The following STOX1 variants were observed in gnomAD, a reference collection of about 807,000 sequenced individuals.
STOX1 encodes storkhead-box protein 1.
STOX1 carries 57 observed loss-of-function variants against 74.8 expected under a neutral mutation model. The ratio of observed to expected loss-of-function variants is 0.76; its 90% confidence interval spans 0.62 to 0.95. The LOEUF (loss-of-function observed/expected upper bound fraction) is 0.95. Ranked by LOEUF, STOX1 falls within the 40% of genes least tolerant of loss-of-function variation. STOX1 has a pLI of 0.00. For synonymous variants in STOX1, 375 were observed against 401.3 expected, an observed-to-expected ratio of 0.93 and a Z score of 0.78; for missense variants, 1,010 against 1,117.0, an observed-to-expected ratio of 0.90 and a Z score of 1.37.
At chr10:68,856,386 CCTT>C (rs537615725) in intron 1 of STOX1, among the ~76,000 whole-genome samples, 90 of 151,106 alleles carry the variant, frequency 6.0e-4, no homozygotes, top group African/African-American at 2.1e-3. Context: ...TGAGAGCTCT[CCTT>C]CTCCTTCTCC....
intron 1 of STOX1, among the ~76,000 whole-genome samples, chr10:68,844,281 A>T (rs1589218481): frequency 7.2e-6 from 1 of 139,458 alleles, no homozygotes. Context: ...CTTGTTTGCT[A>T]TGTCTGGATC....
intron 1 of STOX1, among the ~76,000 whole-genome samples, chr10:68,864,160 G>A (rs1224447016): frequency 7.9e-5 from 12 of 151,980 alleles, no homozygotes; most frequent in Admixed American, 5.9e-4. Flanking sequence ...TCCTGACCTC[G>A]TGATCCGCCC....
chr10:68,858,807 C>A (rs955334128), intron 1 of STOX1, among the ~76,000 whole-genome samples: 2 of 152,048 alleles, frequency 1.3e-5, no homozygotes, highest in African/African-American at 2.4e-5. Context: ...CACTTGAGCC[C>A]CTCTTCCATC....
At chr10:68,861,450 C>T (rs558594149) in intron 1 of STOX1, among the ~76,000 whole-genome samples, 10 of 152,196 alleles carry the variant, frequency 6.6e-5, no homozygotes, top group East Asian at 3.9e-4. Flanking sequence ...GTCCTCATTC[C>T]GGTAAACCAG....
Position 68,867,889 on chromosome 10 carries a change from C to T in STOX1, c.311-14069C>T, listed in dbSNP as rs530389131. 3.0e-4 allele frequency among the ~76,000 whole-genome samples: 46 copies of T among 152,376 alleles called. 2 individuals are homozygous for T. In the South Asian group the frequency reaches 7.0e-3, roughly 23 times the overall value. ...TACCGCACTAAAAAGCCGCATAAGG[C>T]GGCTAGTGCTAACCTTCACTCCTTT... On this transcript the variant is annotated intron_variant, in intron 1 of 3. Coordinates refer to ENST00000298596, the MANE Select transcript of STOX1 (RefSeq NM_152709.5).
chr10:68,876,358 G>A (rs1342211056), intron 1 of STOX1, among the ~76,000 whole-genome samples: 4 of 151,718 alleles, frequency 2.6e-5, no homozygotes, highest in African/African-American at 4.8e-5. Context: ...GTTTCTCCAC[G>A]TTGGTCAGGC....
chr10:68,872,075 G>T (rs1026064720), intron 1 of STOX1, among the ~76,000 whole-genome samples: 1 of 151,918 alleles, frequency 6.6e-6, no homozygotes, highest in Admixed American at 6.6e-5. Flanking sequence ...TCCCTAATGC[G>T]CATAGAAGAT....
At chr10:68,862,654 A>G (rs188683486) in intron 1 of STOX1, among the ~76,000 whole-genome samples, 50 of 152,170 alleles carry the variant, frequency 3.3e-4, no homozygotes, top group African/African-American at 1.1e-3. Context: ...TCCAGATAAT[A>G]GGAACTCTTG....
At chr10:68,877,611 G>T (rs1045045818) in intron 1 of STOX1, among the ~76,000 whole-genome samples, 5 of 152,178 alleles carry the variant, frequency 3.3e-5, no homozygotes, top group Non-Finnish European at 5.9e-5. Context: ...GGCTGCTTCA[G>T]TTCTAGCCCA....
chr10:68,882,488 C>T (rs967440400), intron 2 of STOX1, among the ~76,000 whole-genome samples: 5 of 151,284 alleles, frequency 3.3e-5, no homozygotes, highest in African/African-American at 1.2e-4. Context: ...TTTTTCATAA[C>T]ATAAATTGGA....
intron 1 of STOX1, among the ~76,000 whole-genome samples, chr10:68,833,938 C>G (rs1019007934): frequency 6.6e-6 from 1 of 152,166 alleles, no homozygotes; most frequent in Non-Finnish European, 1.5e-5. Flanking sequence ...TTTTCCACAT[C>G]TAGTTCAAGA....
At chr10:68,866,046 C>G (rs1450120598) in intron 1 of STOX1, among the ~76,000 whole-genome samples, 1 of 151,958 alleles carries the variant, frequency 6.6e-6, no homozygotes, top group Non-Finnish European at 1.5e-5. Flanking sequence ...TTTTCCTAGT[C>G]CCATACCAGG....
chr10:68,862,433 GA>G (rs1162516406), intron 1 of STOX1, among the ~76,000 whole-genome samples: 1 of 152,042 alleles, frequency 6.6e-6, no homozygotes, highest in Admixed American at 6.5e-5. Flanking sequence ...ATTACCAACA[GA>G]AAAGGAGGGT....
At chr10:68,834,422 A>G (rs923399359) in intron 1 of STOX1, among the ~76,000 whole-genome samples, 3 of 152,138 alleles carry the variant, frequency 2.0e-5, no homozygotes, top group African/African-American at 7.2e-5. Context: ...GAGTGTGTAC[A>G]AATGGTAAGG....
chr10:68,856,622 T>C (rs1448793840), intron 1 of STOX1, among the ~76,000 whole-genome samples: 2 of 152,042 alleles, frequency 1.3e-5, no homozygotes, highest in Non-Finnish European at 2.9e-5. Context: ...GGAAGGGAAC[T>C]AAGGATTAGA....
intron 1 of STOX1, among the ~76,000 whole-genome samples, chr10:68,878,216 A>G (rs2131987006): frequency 6.6e-6 from 1 of 152,370 alleles, no homozygotes; most frequent in South Asian, 2.1e-4. Context: ...GTTATATCAA[A>G]GAAGCATAAA....
intron 1 of STOX1, among the ~76,000 whole-genome samples, chr10:68,877,535 A>G (rs1176429383): frequency 6.6e-6 from 1 of 152,212 alleles, no homozygotes; most frequent in Admixed American, 6.5e-5. Flanking sequence ...CCCCATGAAA[A>G]TCTATCTTGA....
rs753648530 is a variant in STOX1 at position 68,885,258 on chromosome 10, A to C, written c.1462A>C (p.Ile488Leu). Residue 488 changes from isoleucine (I) to leucine (L), a missense_variant, in exon 3 of 4, where the codon ATT (isoleucine) becomes CTT (leucine). By Grantham distance (5) the Ile-to-Leu change is conservative (BLOSUM62 2). Coordinates refer to ENST00000298596, the MANE Select transcript of STOX1 (RefSeq NM_152709.5). ...TACAACAGTGCTAGGTTCCCATTTG[A>C]TTTACAAAAAGCGAATCAGTAATCC... Reference protein sequence around the residue: ...EITTVLGSHLIYKKRISNPFQ... With the variant: ...EITTVLGSHLLYKKRISNPFQ... 7 of 1,614,114 alleles carry C rather than the reference A, an allele frequency of 4.3e-6. No homozygotes were observed. Among genetic ancestry groups the C allele is most frequent in the Non-Finnish European group, 5.9e-6 (7 of 1,180,052 alleles).
chr10:68,836,580 C>T (rs1839560339), intron 1 of STOX1, among the ~76,000 whole-genome samples: 2 of 152,198 alleles, frequency 1.3e-5, no homozygotes, highest in Non-Finnish European at 2.9e-5. Context: ...TGTGCCTCAG[C>T]CCAGGTCCCA....
Sources: allele counts gnomAD v4.1 joint callset (sites outside exome capture counted in the v4.1 genomes callset), GRCh38; gene constraint gnomAD v4.1.1; transcripts MANE v1.5; gene names NCBI Gene and HGNC (gene_info 2026-07-23, HGNC 2026-07-21).